The following LANCL2 variants were observed in gnomAD, a reference collection of about 807,000 sequenced individuals.
The protein encoded by LANCL2 is LanC like glutathione S-transferase 2.
In LANCL2, 33 loss-of-function variants were observed where a neutral mutation model predicts 56.9. That is an observed-to-expected ratio of 0.58 (90% CI 0.44 to 0.78). LANCL2 has a LOEUF of 0.78. Ranked by LOEUF, LANCL2 falls within the 30% of genes least tolerant of loss-of-function variation. The probability of loss-of-function intolerance (pLI) is 0.00; values close to 1 mark genes in which losing one functional copy is unlikely to be tolerated. For synonymous variants in LANCL2, 233 were observed against 228.2 expected (o/e 1.02, Z -0.19); for missense variants, 562 against 580.2 (o/e 0.97, Z 0.32).
At chr7:55,417,259 G>T (rs1450589804) in intron 6 of LANCL2, among the ~76,000 whole-genome samples, 2 of 152,032 alleles carry the variant, frequency 1.3e-5, no homozygotes. Context: ...GATTACAGGC[G>T]TGAGCCACCG....
intron 7 of LANCL2, 63 bp from the exon 8 acceptor site, chr7:55,428,312 T>C: frequency 7.0e-7 from 1 of 1,427,670 alleles, no homozygotes; most frequent in East Asian, 2.3e-5. Context: ...CATTGCATTC[T>C]CATTTATTGC....
intron 5 of LANCL2, among the ~76,000 whole-genome samples, chr7:55,407,544 T>G (rs1303557404): frequency 6.6e-6 from 1 of 152,244 alleles, no homozygotes; most frequent in Non-Finnish European, 1.5e-5. Flanking sequence ...GATGTTTCTT[T>G]GAGGGCGTTT....
intron 6 of LANCL2, among the ~76,000 whole-genome samples, chr7:55,413,642 C>T (rs1568823): frequency 0.64 from 97,030 of 152,142 alleles, 31,464 homozygotes; most frequent in Admixed American, 0.71. Flanking sequence ...CACGGCTCTG[C>T]CACTGACGGG....
chr7:55,390,122 C>T (rs555391039), intron 1 of LANCL2, among the ~76,000 whole-genome samples: 84 of 152,110 alleles, frequency 5.5e-4, no homozygotes, highest in Non-Finnish European at 9.8e-4. Flanking sequence ...TACAATCTCA[C>T]GGAAGAACAT....
intron 1 of LANCL2, among the ~76,000 whole-genome samples, chr7:55,367,766 T>C (rs951608952): frequency 6.6e-6 from 1 of 151,916 alleles, no homozygotes; most frequent in African/African-American, 2.4e-5. Flanking sequence ...AAGTCCTAAC[T>C]GATGGGGATG....
At position 55,400,008 on chromosome 7, in the gene LANCL2, TGAG is replaced by T; in HGVS notation, c.583_585del (p.Glu195del). The T allele has an allele frequency of 6.2e-7, 1 of 1,613,480 alleles. No homozygotes were observed. Among genetic ancestry groups the T allele is most frequent in the Non-Finnish European group, 8.5e-7 (1 of 1,179,416 alleles). On this transcript the variant is annotated inframe_deletion, in exon 4 of 9. Transcript: ENST00000254770. The stretch of plus-strand genomic sequence containing the variant: ...TCTGCCAAGAATCAGACCTTCCTGA[TGAG>T]CTGCTTTATGGACGGGCAGGTTATC...
At chr7:55,411,883 T>C in intron 5 of LANCL2, 24 bp from the exon 6 acceptor site, 1 of 1,590,342 alleles carries the variant, frequency 6.3e-7, no homozygotes, top group African/African-American at 1.3e-5. Flanking sequence ...AAATAATTTG[T>C]GTTTCATTTT....
At chr7:55,393,105 A>G (rs1378296978) in intron 2 of LANCL2, among the ~76,000 whole-genome samples, 1 of 152,252 alleles carries the variant, frequency 6.6e-6, no homozygotes, top group African/African-American at 2.4e-5. Context: ...GAACATTCTA[A>G]TAATTATTCG....
At chr7:55,424,440 T>C (rs991099787) in intron 6 of LANCL2, among the ~76,000 whole-genome samples, 2 of 152,138 alleles carry the variant, frequency 1.3e-5, no homozygotes, top group Admixed American at 6.5e-5. Flanking sequence ...TCAGGTCCTG[T>C]TGATGTGTAC....
intron 2 of LANCL2, among the ~76,000 whole-genome samples, chr7:55,393,644 T>G (rs1241185573): frequency 6.6e-6 from 1 of 152,228 alleles, no homozygotes; most frequent in Admixed American, 6.5e-5. Context: ...TGTATTTGTA[T>G]TTATATTTAC....
intron 2 of LANCL2, 106 bp from the exon 3 acceptor site, chr7:55,398,317 C>A: frequency 1.2e-6 from 1 of 812,406 alleles, no homozygotes; most frequent in Non-Finnish European, 2.0e-6. Flanking sequence ...CGTTTGGAAA[C>A]ATAGATTTAT....
chr7:55,431,081 C>A (rs919129927), intron 8 of LANCL2, 145 bp from the exon 9 acceptor site: 2 of 456,178 alleles, frequency 4.4e-6, no homozygotes, highest in Non-Finnish European at 7.7e-6. Flanking sequence ...ATAAGGATAT[C>A]TTTGGTTTTT....
Position 55,374,506 on chromosome 7 carries a change from A to G in LANCL2, c.204+8277A>G, listed in dbSNP as rs545937043. On this transcript the variant is annotated intron_variant, in intron 1 of 8. Coordinates refer to ENST00000254770, the MANE Select transcript of LANCL2 (RefSeq NM_018697.4). ...ACCACTAGTGAAGGTAGATGTTTTC[A>G]CTACCATCTAATTCTTTACTGTCAG... 3.9e-5 allele frequency among the ~76,000 whole-genome samples: 6 copies of G among 152,330 alleles called. 1 individual carries two copies. Among genetic ancestry groups the G allele is most frequent in the African/African-American group, 1.4e-4 (6 of 41,568 alleles).
rs1161581658 is a variant in LANCL2 at position 55,403,032 on chromosome 7, G to A, written c.825+1712G>A. On this transcript the variant is annotated intron_variant, in intron 5 of 8. Transcript: ENST00000254770. ...CAGAGACGCTCCTCACTTCCCAGACGGGGTGGCGGCCGGGCAGAGGCTGCA... is the reference window on the plus strand; with the variant it reads ...CAGAGACGCTCCTCACTTCCCAGACAGGGTGGCGGCCGGGCAGAGGCTGCA... Among the ~76,000 whole-genome samples the A allele has an allele frequency of 6.6e-5, 10 of 152,116 alleles. No individual in the cohort carries two copies. In the East Asian group the frequency reaches 1.4e-3, roughly 21 times the overall value.
intron 1 of LANCL2, among the ~76,000 whole-genome samples, chr7:55,383,921 G>A (rs963331002): frequency 2.0e-5 from 3 of 152,212 alleles, no homozygotes; most frequent in Non-Finnish European, 4.4e-5. Context: ...ACAGCTTGGA[G>A]GTTAGAAGCA....
rs116616511 is a variant in LANCL2, at chr7:55,406,314, G to A, written c.825+4994G>A. On this transcript the variant is annotated intron_variant, in intron 5 of 8. Transcript: ENST00000254770. Reference sequence around the variant, plus strand: ...AACCCCTCCCTGCATGTCCTTCATAGGCTGGCCAGAGCGTCCCTGGTGCCT... The same window carrying A: ...AACCCCTCCCTGCATGTCCTTCATAAGCTGGCCAGAGCGTCCCTGGTGCCT... Among the ~76,000 whole-genome samples the A allele has an allele frequency of 9.4e-3, 1,429 of 152,332 alleles. 28 individuals carry two copies. The highest frequency in any genetic ancestry group is 0.033 in the African/African-American group (1,367 of 41,578).
intron 5 of LANCL2, among the ~76,000 whole-genome samples, chr7:55,404,532 T>C (rs1790383253): frequency 6.6e-6 from 1 of 152,206 alleles, no homozygotes. Flanking sequence ...TAAAACTTTT[T>C]CTAGTTATTG....
intron 1 of LANCL2, among the ~76,000 whole-genome samples, chr7:55,391,528 C>CT (rs34146737): frequency 1.1e-4 from 16 of 148,110 alleles, no homozygotes; most frequent in African/African-American, 2.7e-4. Context: ...TCCATTTTTC[C>CT]TTTTTTTTTT....
chr7:55,432,059 C>G lies in LANCL2; in HGVS notation c.*739C>G, dbSNP rs1480634064. On this transcript the variant is annotated 3_prime_UTR_variant, in exon 9 of 9. Coordinates refer to ENST00000254770, the MANE Select transcript of LANCL2 (RefSeq NM_018697.4). ...CTTCTGGACCCAAAGGGAGCTTTCC[C>G]AAGAAGCCTTTGATGGCCACACTGT... is the stretch of plus-strand genomic sequence containing the variant. The G allele has an allele frequency of 6.6e-6, 1 of 152,216 alleles. No homozygotes were observed. The highest frequency in any genetic ancestry group is 1.9e-4 in the East Asian group (1 of 5,192). The allele number at this position is 152,216 out of a possible 1,614,324, so 9.4% of individuals were successfully genotyped here. A position where few individuals can be genotyped will look rare whatever the true frequency, so the allele number is the denominator to read the frequency against.
Sources: gnomAD v4.1 joint callset for allele counts (sites outside exome capture counted in the v4.1 genomes callset) on GRCh38, gnomAD v4.1.1 for gene constraint, MANE v1.5 for transcripts, NCBI Gene and HGNC (gene_info 2026-07-23, HGNC 2026-07-21) for gene names.